The following EHBP1 variants were observed in gnomAD, a reference collection of about 807,000 sequenced individuals.
EHBP1 encodes EH domain binding protein 1, also known as EH domain-binding protein 1.
A neutral mutation model predicts 144.0 loss-of-function variants in EHBP1; 55 were observed. The observed-to-expected ratio is 0.38, with a 90% CI of 0.31 to 0.48. The LOEUF (loss-of-function observed/expected upper bound fraction) is 0.48, where lower values mean the gene tolerates loss of function less well. Ranked by LOEUF, EHBP1 falls within the 20% of genes least tolerant of loss-of-function variation. The pLI, the probability that EHBP1 is intolerant of heterozygous loss-of-function variation, is 0.98. For missense variants in EHBP1, 1,200 were observed against 1,364.2 expected (o/e 0.88, Z 1.90); for synonymous variants, 469 against 472.7 (o/e 0.99, Z 0.10).
intron 5 of EHBP1, among the ~76,000 whole-genome samples, chr2:62,797,096 G>T (rs2043592054): frequency 6.6e-6 from 1 of 152,140 alleles, no homozygotes; most frequent in Non-Finnish European, 1.5e-5. Flanking sequence ...CCTATCCTGT[G>T]AACATATCCT....
intron 7 of EHBP1, among the ~76,000 whole-genome samples, chr2:62,843,691 A>C (rs1380271006): frequency 6.6e-6 from 1 of 152,196 alleles, no homozygotes; most frequent in Non-Finnish European, 1.5e-5. Context: ...TTTCAGGGAT[A>C]TATTTTTTTA....
rs201434475 is a variant in EHBP1, at chr2:62,979,252, G to A, written c.2525G>A (p.Arg842Gln). 4.4e-5 allele frequency: 71 copies of A among 1,613,926 alleles called. No homozygotes were observed. The highest frequency in any genetic ancestry group is 5.5e-5 in the Non-Finnish European group (65 of 1,179,908). Residue 842 changes from arginine (R) to glutamine (Q), a missense_variant, in exon 15 of 23, where the codon CGA becomes CAA. Arg to Gln is a conservative substitution (Grantham distance 43, BLOSUM62 1). Around this residue, in one of 6 missense-constraint regions of EHBP1, gnomAD observed 543 missense variants for 513.1 expected, o/e 1.06. Transcript: ENST00000431489. ...ERARQLIAEARSGVKMSELPS... is the reference protein window; with the variant it reads ...ERARQLIAEAQSGVKMSELPS... ...GCTCGTCAGCTAATAGCAGAAGCTCGATCTGGAGTGAAGATGTCAGAACTT... is the reference window on the plus strand; with the variant it reads ...GCTCGTCAGCTAATAGCAGAAGCTCAATCTGGAGTGAAGATGTCAGAACTT...
At chr2:62,756,503 T>C (rs907574166) in intron 3 of EHBP1, among the ~76,000 whole-genome samples, 2 of 152,162 alleles carry the variant, frequency 1.3e-5, no homozygotes, top group East Asian at 3.8e-4. Flanking sequence ...GCGTGTTGGC[T>C]CATGCCTGTA....
intron 3 of EHBP1, among the ~76,000 whole-genome samples, chr2:62,760,324 A>C (rs977873096): frequency 6.6e-6 from 1 of 152,196 alleles, no homozygotes; most frequent in African/African-American, 2.4e-5. Flanking sequence ...CAGGTTGTAC[A>C]GCCCCAGAAG....
intron 5 of EHBP1, among the ~76,000 whole-genome samples, chr2:62,822,138 CAG>C: frequency 6.6e-6 from 1 of 152,138 alleles, no homozygotes; most frequent in Non-Finnish European, 1.5e-5. Flanking sequence ...TCCTGAGTCT[CAG>C]AATATGTTTA....
At position 62,942,867 on chromosome 2, in the gene EHBP1, AATATTACACCACTTTAG is replaced by A. The variant is rs1387225768; in HGVS notation, c.1337_1353del (p.Ile446ThrfsTer5). On this transcript the variant is annotated frameshift_variant, in exon 11 of 23. Coordinates refer to ENST00000431489, the MANE Select transcript of EHBP1 (RefSeq NM_001142616.3). LOFTEE classifies it high-confidence loss of function. ...GGAGAAATGGTTTATCTTTTTGTGCAATATTACACCACTTTAGACCAGATTTAATGTAAGTAGAAACA... is the reference window on the plus strand; with the variant it reads ...GGAGAAATGGTTTATCTTTTTGTGCAACCAGATTTAATGTAAGTAGAAACA... 1.2e-6 allele frequency: 2 copies of A among 1,613,448 alleles called. No individual in the cohort carries two copies. Among genetic ancestry groups the A allele is most frequent in the South Asian group, 2.2e-5 (2 of 90,982 alleles).
At chr2:62,726,099 T>A (rs2036762469) in intron 2 of EHBP1, among the ~76,000 whole-genome samples, 1 of 151,988 alleles carries the variant, frequency 6.6e-6, no homozygotes, top group Admixed American at 6.6e-5. Flanking sequence ...AGGGCTAAAA[T>A]CTCCTATGGG....
At chr2:62,826,538 G>C in intron 6 of EHBP1, 1 of 239,918 alleles carries the variant, frequency 4.2e-6, no homozygotes, top group African/African-American at 2.3e-5. Context: ...TTATATTTCA[G>C]TGTCTTCAGT....
chr2:63,015,730 T>C (rs2060461100), intron 19 of EHBP1, among the ~76,000 whole-genome samples: 1 of 152,160 alleles, frequency 6.6e-6, no homozygotes, highest in Admixed American at 6.5e-5. Context: ...TAAAAATATA[T>C]ACATTAAACT....
intron 3 of EHBP1, among the ~76,000 whole-genome samples, chr2:62,756,719 G>A (rs2040316793): frequency 1.4e-5 from 2 of 140,518 alleles, no homozygotes; most frequent in Admixed American, 1.5e-4. Flanking sequence ...AATGAGCTGA[G>A]ATCGTGCCAT....
chr2:63,026,527 G>A (rs1309520513), intron 19 of EHBP1, among the ~76,000 whole-genome samples: 1 of 152,148 alleles, frequency 6.6e-6, no homozygotes, highest in Non-Finnish European at 1.5e-5. Flanking sequence ...TGAGGAAACT[G>A]AGTCTTAGGG....
intron 20 of EHBP1, among the ~76,000 whole-genome samples, chr2:63,038,063 G>A (rs1294448072): frequency 2.6e-5 from 4 of 152,076 alleles, no homozygotes; most frequent in Admixed American, 2.0e-4. Flanking sequence ...TAAAAGATAA[G>A]TTACTAAAAC....
chr2:62,911,034 G>C (rs1187710837), intron 10 of EHBP1, among the ~76,000 whole-genome samples: 1 of 152,026 alleles, frequency 6.6e-6, no homozygotes, highest in African/African-American at 2.4e-5. Flanking sequence ...GTTCTTTCTG[G>C]GTAAAATTTC....
intron 10 of EHBP1, among the ~76,000 whole-genome samples, chr2:62,887,466 G>A (rs575947418): frequency 6.6e-5 from 10 of 152,020 alleles, no homozygotes; most frequent in Non-Finnish European, 1.3e-4. Context: ...AGCCAAGCAC[G>A]GTGGCTCATT....
At chr2:62,955,458 T>C in intron 13 of EHBP1, 59 bp from the exon 14 acceptor site, 2 of 1,525,918 alleles carry the variant, frequency 1.3e-6, no homozygotes, top group Non-Finnish European at 1.8e-6. Context: ...TTCATTAGTT[T>C]ACAAATGTAG....
chr2:62,716,308 A>G (rs2035675319), intron 2 of EHBP1, among the ~76,000 whole-genome samples: 1 of 152,138 alleles, frequency 6.6e-6, no homozygotes, highest in Admixed American at 6.6e-5. Context: ...CCCCCACCCA[A>G]CAGAATCCAT....
In EHBP1 at chr2:62,858,410, T is replaced by C. The variant is rs1013786241; in HGVS notation, c.635-759T>C. 3.7e-5 allele frequency: 59 copies of C among 1,594,374 alleles called. 1 individual carries two copies. In the Admixed American group the frequency reaches 8.0e-4, roughly 22 times the overall value. On this transcript the variant is annotated intron_variant, in intron 7 of 22. Coordinates refer to ENST00000431489, the MANE Select transcript of EHBP1 (RefSeq NM_001142616.3). ...TTGACTGGCTTCTGTTTACAGAAAT[T>C]GTAAACCAGTTGAATGCTCTGAGCA... is the stretch of plus-strand genomic sequence containing the variant.
chr2:62,978,476 C>G (rs1019840003), intron 14 of EHBP1, among the ~76,000 whole-genome samples: 1 of 152,134 alleles, frequency 6.6e-6, no homozygotes, highest in Non-Finnish European at 1.5e-5. Context: ...GCTGGGATTA[C>G]AGGTGTGAGC....
intron 7 of EHBP1, among the ~76,000 whole-genome samples, chr2:62,845,982 T>G (rs1244518591): frequency 6.6e-6 from 1 of 152,132 alleles, no homozygotes; most frequent in East Asian, 1.9e-4. Context: ...TACCTTATTT[T>G]TAAAGGAGTT....
Sources: allele counts gnomAD v4.1 joint callset (sites outside exome capture counted in the v4.1 genomes callset), GRCh38; gene constraint gnomAD v4.1.1; regional missense constraint gnomAD v4.1.1; transcripts MANE v1.5; gene names NCBI Gene and HGNC (gene_info 2026-07-23, HGNC 2026-07-21).